The following GAPDH variants were observed in gnomAD, a reference collection of about 807,000 sequenced individuals.
The protein encoded by GAPDH is OCAS, p38 component.
A neutral mutation model predicts 31.2 loss-of-function variants in GAPDH; 13 were observed. That is an observed-to-expected ratio of 0.42 (90% CI 0.27 to 0.66). The LOEUF (loss-of-function observed/expected upper bound fraction) is 0.66. Ranked by LOEUF, GAPDH falls within the 30% of genes least tolerant of loss-of-function variation. The pLI, the probability that GAPDH is intolerant of heterozygous loss-of-function variation, is 0.26. For synonymous variants in GAPDH, 211 were observed against 166.9 expected, an observed-to-expected ratio of 1.26 and a Z score of -2.04; for missense variants, 300 against 443.7, an observed-to-expected ratio of 0.68 and a Z score of 2.91.
rs201777488 is a variant in GAPDH, at chr12:6,537,557, C to G, written c.526-27C>G. Reference sequence around the variant, plus strand: ...AGGTAGAGGGGTGATGTGGGGAGTACGCTGCAGGGCCTCACTCCTTTTGCA... The same window carrying G: ...AGGTAGAGGGGTGATGTGGGGAGTAGGCTGCAGGGCCTCACTCCTTTTGCA... On this transcript the variant is annotated intron_variant, in intron 7 of 8. Transcript: ENST00000229239. This position sits in a 1 kb window ranked among gnomAD's most constrained non-coding sequence, Gnocchi z 4.9. 6.9e-6 allele frequency: 11 copies of G among 1,600,580 alleles called. No homozygotes were observed. Among genetic ancestry groups the G allele is most frequent in the Non-Finnish European group, 9.4e-6 (11 of 1,173,198 alleles).
At chr12:6,534,601 T>G (rs964436761) in intron 1 of GAPDH, 32 bp downstream of exon 1, 2 of 576,694 alleles carry the variant, frequency 3.5e-6, no homozygotes, top group Admixed American at 6.3e-5. Context: ...CCCGGGAGGC[T>G]AGGGACGGCC....
intron 2 of GAPDH, 181 bp downstream of exon 2, chr12:6,535,042 G>T: frequency 1.2e-6 from 1 of 820,192 alleles, no homozygotes; most frequent in Admixed American, 3.1e-5. Flanking sequence ...GGCGCCCTGT[G>T]CAGCTCCGCC....
chr12:6,536,630 G>T, intron 3 of GAPDH, 37 bp downstream of exon 3: 1 of 1,606,650 alleles, frequency 6.2e-7, no homozygotes, highest in Non-Finnish European at 8.5e-7. Flanking sequence ...GCTGGTGTGG[G>T]AGGAGCCACC....
In GAPDH at chr12:6,538,097, C is replaced by T. The variant is rs747488081; in HGVS notation, c.939-4C>T. On this transcript the variant is annotated splice_polypyrimidine_tract_variant and splice_region_variant and intron_variant, in intron 8 of 8. Coordinates refer to ENST00000229239, the MANE Select transcript of GAPDH (RefSeq NM_002046.7). ...GGGCCCTGACAACTCTTTTCATCTT[C>T]TAGGTATGACAACGAATTTGGCTAC... 6 of 1,600,114 alleles carry T rather than the reference C, an allele frequency of 3.7e-6. No individual in the cohort carries two copies. In the African/African-American group the frequency reaches 4.0e-5, roughly 11 times the overall value.
At chr12:6,534,638 C>T in intron 1 of GAPDH, 69 bp downstream of exon 1, 1 of 651,074 alleles carries the variant, frequency 1.5e-6, no homozygotes, top group East Asian at 2.8e-5. Flanking sequence ...GGGCGCAGGC[C>T]GGATGTGTTC....
At chr12:6,536,117 CAAGCGTTT>C (rs1490264611) in intron 2 of GAPDH, among the ~76,000 whole-genome samples, 2 of 152,210 alleles carry the variant, frequency 1.3e-5, no homozygotes, top group African/African-American at 4.8e-5. Context: ...GCTGAGTGTA[CAAGCGTTT>C]TCTCCCTAAA....
intron 2 of GAPDH, among the ~76,000 whole-genome samples, chr12:6,535,653 C>G (rs569408321): frequency 2.2e-4 from 33 of 152,270 alleles, no homozygotes; most frequent in African/African-American, 7.5e-4. Context: ...ACCTCACGGC[C>G]CCGCCCTTCC....
In GAPDH at chr12:6,537,691, T is replaced by A. The variant is rs770291627; in HGVS notation, c.633T>A (p.Thr211=). Residue 211 remains threonine, a synonymous_variant, in exon 8 of 9, where the codon ACT becomes ACA. Coordinates refer to ENST00000229239, the MANE Select transcript of GAPDH (RefSeq NM_002046.7). The surrounding 1 kb of genome is among the most constrained non-coding windows in gnomAD (Gnocchi z 4.9). ...TCCAGAACATCATCCCTGCCTCTAC[T>A]GGCGCTGCCAAGGCTGTGGGCAAGG... ...GALQNIIPAS[T]GAAKAVGKVI... is the part of the protein sequence containing the mutation. The A allele has an allele frequency of 6.2e-7, 1 of 1,611,666 alleles. No individual in the cohort carries two copies. Among genetic ancestry groups the A allele is most frequent in the South Asian group, 1.1e-5 (1 of 90,996 alleles).
chr12:6,537,853 G>A lies in GAPDH; in HGVS notation c.795G>A (p.Ala265=), dbSNP rs764189570. The A allele has an allele frequency of 8.1e-6, 13 of 1,612,672 alleles. No homozygotes were observed. Among genetic ancestry groups the A allele is most frequent in the African/African-American group, 5.3e-5 (4 of 74,850 alleles). The part of the protein sequence containing the change: ...YDDIKKVVKQ[A]SEGPLKGILG... The stretch of plus-strand genomic sequence containing the variant: ...ACATCAAGAAGGTGGTGAAGCAGGC[G>A]TCGGAGGGCCCCCTCAAGGGCATCC... Residue 265 remains alanine (A), a synonymous_variant, in exon 8 of 9, where the codon GCG becomes GCA. Transcript: ENST00000229239. This position sits in a 1 kb window ranked among gnomAD's most constrained non-coding sequence, Gnocchi z 4.9.
rs560799036 is a variant in GAPDH at position 6,536,154 on chromosome 12, C to T, written c.30-340C>T. Reference sequence around the variant, plus strand: ...CCCTAAAGGGTGCAGCTGAGCTAGGCAGCAGCAAGCATTCCTGGGGTGGCA... The same window carrying T: ...CCCTAAAGGGTGCAGCTGAGCTAGGTAGCAGCAAGCATTCCTGGGGTGGCA... On this transcript the variant is annotated intron_variant, in intron 2 of 8. Coordinates refer to ENST00000229239, the MANE Select transcript of GAPDH (RefSeq NM_002046.7). Among the ~76,000 whole-genome samples the T allele has an allele frequency of 2.0e-5, 3 of 152,314 alleles. No individual in the cohort carries two copies. The South Asian group carries it at 6.2e-4, about 32-fold the overall frequency.
Position 6,534,527 on chromosome 12 carries a change from C to T in GAPDH, c.-66C>T, listed in dbSNP as rs1369456965. The T allele has an allele frequency of 3.0e-5, 14 of 470,968 alleles. 1 individual carries two copies. Among genetic ancestry groups the T allele is most frequent in the South Asian group, 1.3e-4 (6 of 47,612 alleles). 29.2% of individuals were successfully genotyped at this position (470,968 alleles called of 1,614,324 possible). A position where few individuals can be genotyped will look rare whatever the true frequency, so the allele number is the denominator to read the frequency against. Reference sequence around the variant, plus strand: ...GCAGCCTCCCGCTTCGCTCTCTGCTCCTCCTGTTCGACAGTCAGCCGCATC... The same window carrying T: ...GCAGCCTCCCGCTTCGCTCTCTGCTTCTCCTGTTCGACAGTCAGCCGCATC... On this transcript the variant is annotated 5_prime_UTR_variant, in exon 1 of 9. Coordinates refer to ENST00000229239, the MANE Select transcript of GAPDH (RefSeq NM_002046.7).
At chr12:6,536,835 C>T (rs1565553324) in intron 4 of GAPDH, 45 bp downstream of exon 4, 1 of 1,583,480 alleles carries the variant, frequency 6.3e-7, no homozygotes, top group South Asian at 1.1e-5. Context: ...GGGGAGGCAA[C>T]TAGGATGGTG....
chr12:6,536,494 A>T lies in GAPDH; in HGVS notation c.30A>T (p.Gly10=). 1 of 1,612,406 alleles carries T rather than the reference A, an allele frequency of 6.2e-7. No individual in the cohort carries two copies. The highest frequency in any genetic ancestry group is 8.5e-7 in the Non-Finnish European group (1 of 1,178,844). Residue 10 remains glycine, a splice_region_variant and synonymous_variant, in exon 3 of 9, where the codon GGA becomes GGT. Transcript: ENST00000229239. ...TGCCTTCTTGCCTCTTGTCTCTTAG[A>T]TTTGGTCGTATTGGGCGCCTGGTCA... MGKVKVGVN[G]FGRIGRLVTR...
At chr12:6,536,384 G>A (rs1015144363) in intron 2 of GAPDH, 110 bp from the exon 3 acceptor site, 4 of 799,462 alleles carry the variant, frequency 5.0e-6, no homozygotes, top group Non-Finnish European at 8.6e-6. Flanking sequence ...GGCCCTCCTG[G>A]GGGTAAGGAG....
At chr12:6,535,106 G>A in intron 2 of GAPDH, 1 of 781,992 alleles carries the variant, frequency 1.3e-6, no homozygotes, top group Non-Finnish European at 1.9e-6. Context: ...GAAACAGGAG[G>A]TCCCTACTCC....
In GAPDH at chr12:6,536,679, C is replaced by G; in HGVS notation, c.130-5C>G. On this transcript the variant is annotated splice_polypyrimidine_tract_variant and splice_region_variant and intron_variant, in intron 3 of 8. Coordinates refer to ENST00000229239, the MANE Select transcript of GAPDH (RefSeq NM_002046.7). ...GCCCCTTCATACCCTCACGTATTCC[C>G]CCAGGTTTACATGTTCCAATATGAT... The G allele has an allele frequency of 6.2e-7, 1 of 1,607,424 alleles. No individual in the cohort carries two copies. Among genetic ancestry groups the G allele is most frequent in the Non-Finnish European group, 8.5e-7 (1 of 1,177,716 alleles).
At position 6,537,069 on chromosome 12, in the gene GAPDH, C is replaced by T. The variant is rs369749848; in HGVS notation, c.328-32C>T. ...GACTCAGCCCTGCAAAGGCAGGACC[C>T]GGGTTCATAACTGTCTGCTTCTCTG... On this transcript the variant is annotated intron_variant, in intron 5 of 8. Coordinates refer to ENST00000229239, the MANE Select transcript of GAPDH (RefSeq NM_002046.7). The surrounding 1 kb of genome is among the most constrained non-coding windows in gnomAD (Gnocchi z 4.9). The T allele has an allele frequency of 3.0e-5, 48 of 1,607,844 alleles. No individual in the cohort carries two copies. The East Asian group carries it at 4.9e-4, about 17-fold the overall frequency.
Position 6,537,887 on chromosome 12 carries a change from A to G in GAPDH, c.829A>G (p.Thr277Ala). Reference protein sequence around the residue: ...EGPLKGILGYTEHQVVSSDFN... With the variant: ...EGPLKGILGYAEHQVVSSDFN... ...CCCCCTCAAGGGCATCCTGGGCTAC[A>G]CTGAGCACCAGGTGGTCTCCTCTGA... The change falls in exon 8 of 9, where the codon ACT (threonine) becomes GCT (alanine). Residue 277 changes from threonine (T) to alanine (A), a missense_variant. Physicochemically the swap from Thr to Ala is moderately conservative, Grantham distance 58. Transcript: ENST00000229239. This position sits in a 1 kb window ranked among gnomAD's most constrained non-coding sequence, Gnocchi z 4.9. The G allele has an allele frequency of 1.2e-6, 2 of 1,613,814 alleles. No homozygotes were observed. Among genetic ancestry groups the G allele is most frequent in the Non-Finnish European group, 8.5e-7 (1 of 1,180,028 alleles).
At position 6,535,211 on chromosome 12, in the gene GAPDH, C is replaced by T. The variant is rs185476453; in HGVS notation, c.29+350C>T. ...GTGTCGCAGAGGAGCCCCTCCCCCACGGCCTCCGGCACCGCAGGCCCCGGG... is the reference window on the plus strand; with the variant it reads ...GTGTCGCAGAGGAGCCCCTCCCCCATGGCCTCCGGCACCGCAGGCCCCGGG... On this transcript the variant is annotated intron_variant, in intron 2 of 8. Transcript: ENST00000229239. 3.7e-6 allele frequency: 4 copies of T among 1,090,706 alleles called. No homozygotes were observed. In the African/African-American group the frequency reaches 6.6e-5, roughly 18 times the overall value. The allele number at this position is 1,090,706 out of a possible 1,614,324, so 67.6% of individuals were successfully genotyped here.
Sources: gnomAD v4.1 joint callset for allele counts (sites outside exome capture counted in the v4.1 genomes callset) on GRCh38, gnomAD v4.1.1 for gene constraint, Gnocchi (gnomAD v3.1) non-coding constraint, MANE v1.5 for transcripts, NCBI Gene and HGNC (gene_info 2026-07-23, HGNC 2026-07-21) for gene names.